MAP4K4: variants seen among roughly 807,000 people sequenced by gnomAD.
MAP4K4 encodes the protein mitogen-activated protein kinase kinase kinase kinase 4, also known as HPK/GCK-like kinase HGK.
MAP4K4 carries 38 observed loss-of-function variants against 189.6 expected under a neutral mutation model. The ratio of observed to expected loss-of-function variants is 0.20; its 90% CI spans 0.15 to 0.26. The LOEUF (loss-of-function observed/expected upper bound fraction) is 0.26, where lower values mean the gene tolerates loss of function less well. MAP4K4 is among the 10% of genes least tolerant of loss of function. The probability of loss-of-function intolerance (pLI) is 1.00; values close to 1 mark genes in which losing one functional copy is unlikely to be tolerated. For synonymous variants in MAP4K4, 610 were observed against 624.3 expected (o/e 0.98, Z 0.34); for missense variants, 1,054 against 1,726.9 (o/e 0.61, Z 6.91).
chr2:101,757,209 AATAATT>A (rs1226067758), intron 2 of MAP4K4, among the ~76,000 whole-genome samples: 1 of 152,226 alleles, frequency 6.6e-6, no homozygotes, highest in Non-Finnish European at 1.5e-5. Context: ...AACTCATTGA[AATAATT>A]ATAGTTTGAC....
At chr2:101,762,537 T>C (rs1427411028) in intron 2 of MAP4K4, among the ~76,000 whole-genome samples, 1 of 152,226 alleles carries the variant, frequency 6.6e-6, no homozygotes, top group Admixed American at 6.5e-5. Flanking sequence ...GAAGTACTTT[T>C]GATACCATCT....
intron 27 of MAP4K4, 62 bp downstream of exon 27, chr2:101,877,208 A>ACAC (rs2098228252): frequency 6.5e-7 from 1 of 1,548,514 alleles, no homozygotes. Context: ...GTAGCTTTAC[A>ACAC]CACTAAACTT....
intron 2 of MAP4K4, among the ~76,000 whole-genome samples, chr2:101,751,039 A>T (rs1321603617): frequency 6.6e-6 from 1 of 152,120 alleles, no homozygotes; most frequent in Admixed American, 6.5e-5. Context: ...GCCACTGGGA[A>T]GGGACGTAAC....
At chr2:101,698,338 C>A (rs2035756297) in intron 1 of MAP4K4, 135 bp from the exon 2 acceptor site, 3 of 878,442 alleles carry the variant, frequency 3.4e-6, no homozygotes, top group Non-Finnish European at 5.5e-6. Flanking sequence ...GCCGCGCGAC[C>A]CCCGGGCGCT....
intron 2 of MAP4K4, among the ~76,000 whole-genome samples, chr2:101,742,425 T>G (rs2063256584): frequency 6.6e-6 from 1 of 152,182 alleles, no homozygotes; most frequent in South Asian, 2.1e-4. Context: ...GCTCCTTGGC[T>G]TCCTGAGCCA....
At chr2:101,735,458 C>G (rs779494097) in intron 2 of MAP4K4, among the ~76,000 whole-genome samples, 1 of 152,098 alleles carries the variant, frequency 6.6e-6, no homozygotes, top group South Asian at 2.1e-4. Flanking sequence ...AAGTAGGGGC[C>G]ACCTGCTTTA....
At chr2:101,698,038 G>A in exon 1 of MAP4K4, 1 of 1,283,162 alleles carries the variant, frequency 7.8e-7, no homozygotes. Context: ...CAGAGCGACA[G>A]AGACATTTAT....
At chr2:101,863,174 A>G (rs1412447056) in intron 16 of MAP4K4, among the ~76,000 whole-genome samples, 1 of 152,220 alleles carries the variant, frequency 6.6e-6, no homozygotes, top group African/African-American at 2.4e-5. Flanking sequence ...AGAAATCACA[A>G]TTCTTTATTT....
At chr2:101,778,810 AAC>A (rs1189721707) in intron 2 of MAP4K4, among the ~76,000 whole-genome samples, 1 of 152,036 alleles carries the variant, frequency 6.6e-6, no homozygotes, top group Non-Finnish European at 1.5e-5. Context: ...CAGGTTCTGG[AAC>A]ACAGACCTTT....
intron 9 of MAP4K4, among the ~76,000 whole-genome samples, chr2:101,838,630 T>A (rs2096832557): frequency 6.6e-6 from 1 of 152,252 alleles, no homozygotes; most frequent in Non-Finnish European, 1.5e-5. Context: ...TCTGTAAGTT[T>A]GATATATGTC....
intron 2 of MAP4K4, among the ~76,000 whole-genome samples, chr2:101,748,093 C>T (rs1202112576): frequency 6.6e-6 from 1 of 152,174 alleles, no homozygotes; most frequent in Non-Finnish European, 1.5e-5. Context: ...AGAGGAGTAG[C>T]CACAACTCCA....
At chr2:101,739,649 C>T (rs1306634500) in intron 2 of MAP4K4, among the ~76,000 whole-genome samples, 5 of 152,182 alleles carry the variant, frequency 3.3e-5, no homozygotes, top group Non-Finnish European at 7.3e-5. Context: ...AAACCCCTAT[C>T]CTTAACTCTG....
At chr2:101,859,525 TCTTA>T in intron 14 of MAP4K4, 114 bp from the exon 15 acceptor site, 1 of 771,744 alleles carries the variant, frequency 1.3e-6, no homozygotes, top group Non-Finnish European at 2.1e-6. Context: ...CATTTTGCTT[TCTTA>T]CAAAACACAG....
intron 7 of MAP4K4, 52 bp from the exon 8 acceptor site, chr2:101,834,349 TGTAAGTTA>T: frequency 7.9e-7 from 1 of 1,270,038 alleles, no homozygotes; most frequent in South Asian, 1.3e-5. Context: ...TACCCAGACA[TGTAAGTTA>T]GTGGCTTTGT....
chr2:101,835,862 A>T, intron 8 of MAP4K4, 38 bp from the exon 9 acceptor site: 3 of 1,341,036 alleles, frequency 2.2e-6, no homozygotes, highest in Non-Finnish European at 3.2e-6. Context: ...AATGAGTGAA[A>T]TAAGTGCCAT....
chr2:101,731,837 C>G (rs1427357690), intron 2 of MAP4K4, among the ~76,000 whole-genome samples: 1 of 151,822 alleles, frequency 6.6e-6, no homozygotes, highest in East Asian at 1.9e-4. Flanking sequence ...GCACCCTGTT[C>G]CTGTTTTTCA....
At chr2:101,836,355 G>A (rs541833558) in intron 9 of MAP4K4, among the ~76,000 whole-genome samples, 4 of 152,100 alleles carry the variant, frequency 2.6e-5, no homozygotes, top group African/African-American at 4.8e-5. Flanking sequence ...AGGCCAAGGC[G>A]GGGAGGATCA....
At chr2:101,874,186 G>A in exon 26 of MAP4K4, 1 of 1,613,766 alleles carries the variant, frequency 6.2e-7, no homozygotes, top group Non-Finnish European at 8.5e-7. Context: ...GCCACAGAGT[G>A]ACACCCCGGA....
At chr2:101,811,661 C>T (rs1000216329) in intron 3 of MAP4K4, among the ~76,000 whole-genome samples, 2 of 152,134 alleles carry the variant, frequency 1.3e-5, no homozygotes, top group African/African-American at 4.8e-5. Context: ...CCTGCTTGCT[C>T]TTGCCGGTGC....
Sources: allele counts gnomAD v4.1 joint callset (sites outside exome capture counted in the v4.1 genomes callset), GRCh38; gene constraint gnomAD v4.1.1; transcripts MANE v1.5; gene names NCBI Gene and HGNC (gene_info 2026-07-23, HGNC 2026-07-21).